The following MBNL2 variants were observed in gnomAD, a reference collection of about 807,000 sequenced individuals.
MBNL2 encodes the protein muscleblind-like protein 2.
In MBNL2, 17 loss-of-function variants were observed where a neutral mutation model predicts 41.9. The ratio of observed to expected loss-of-function variants is 0.41; its 90% CI spans 0.28 to 0.61. The LOEUF (loss-of-function observed/expected upper bound fraction) is 0.61, where lower values mean the gene tolerates loss of function less well. MBNL2 is among the 20% of genes least tolerant of loss of function. MBNL2 has a pLI of 0.35. For synonymous variants in MBNL2, 195 were observed against 182.9 expected (o/e 1.07, Z -0.53); for missense variants, 336 against 505.6 (o/e 0.66, Z 3.22).
the MBNL2 span, among the ~76,000 whole-genome samples, chr13:97,192,883 G>C: frequency 6.6e-6 from 1 of 152,212 alleles, no homozygotes; most frequent in South Asian, 2.1e-4. Context: ...TCACCCGAAG[G>C]CTGAAACAAA....
chr13:97,186,373 C>T, the MBNL2 span, among the ~76,000 whole-genome samples: 4 of 152,142 alleles, frequency 2.6e-5, no homozygotes, highest in Non-Finnish European at 4.4e-5. Context: ...CATTAGATCT[C>T]TCTGACTTCC....
chr13:97,245,522 A>G (rs780994131), intron 1 of MBNL2, among the ~76,000 whole-genome samples: 7 of 152,196 alleles, frequency 4.6e-5, no homozygotes, highest in Non-Finnish European at 1.0e-4. Context: ...TGTCACCACA[A>G]TCCTGAAGTT....
At chr13:97,195,192 G>A in the MBNL2 span, among the ~76,000 whole-genome samples, 1 of 152,088 alleles carries the variant, frequency 6.6e-6, no homozygotes, top group Admixed American at 6.5e-5. Flanking sequence ...GAACATCGTC[G>A]TCTCAGGACA....
At chr13:97,157,546 CTTA>C in the MBNL2 span, among the ~76,000 whole-genome samples, 1 of 132,994 alleles carries the variant, frequency 7.5e-6, no homozygotes, top group Non-Finnish European at 1.6e-5. Flanking sequence ...ATAGATAGCT[CTTA>C]TTATTTTGAA....
At chr13:97,304,630 C>A (rs1038000364) in intron 2 of MBNL2, among the ~76,000 whole-genome samples, 1 of 151,968 alleles carries the variant, frequency 6.6e-6, no homozygotes. Flanking sequence ...TGATCTTATG[C>A]AAGTCATTTG....
the MBNL2 span, among the ~76,000 whole-genome samples, chr13:97,195,276 G>A: frequency 1.5e-4 from 23 of 152,172 alleles, no homozygotes; most frequent in African/African-American, 5.3e-4. Flanking sequence ...TGTGATTTCA[G>A]TTGTCCCCCA....
chr13:97,274,216 C>T (rs1045068548), intron 1 of MBNL2, among the ~76,000 whole-genome samples: 4 of 152,154 alleles, frequency 2.6e-5, no homozygotes, highest in South Asian at 2.1e-4. Context: ...GGGCCGGGCA[C>T]GGTGGCTCAC....
intron 2 of MBNL2, among the ~76,000 whole-genome samples, chr13:97,292,200 CAAAAAAAAAAAAA>C (rs34473435): frequency 2.9e-5 from 2 of 69,504 alleles, no homozygotes; most frequent in Non-Finnish European, 6.3e-5. Context: ...GACTCCATCT[CAAAAAAAAAAAAA>C]AAAAAAAAAG....
chr13:97,381,246 G>A (rs1037376711), intron 8 of MBNL2, among the ~76,000 whole-genome samples: 2 of 152,094 alleles, frequency 1.3e-5, no homozygotes, highest in African/African-American at 4.8e-5. Context: ...AGATGATGAC[G>A]ATACACAAAG....
the MBNL2 span, among the ~76,000 whole-genome samples, chr13:97,177,799 AT>A: frequency 2.0e-5 from 3 of 152,240 alleles, no homozygotes; most frequent in Admixed American, 1.3e-4. Context: ...ATGTGTTAAC[AT>A]ATAAAGGGTC....
the MBNL2 span, among the ~76,000 whole-genome samples, chr13:97,195,314 C>T: frequency 6.6e-6 from 1 of 152,096 alleles, no homozygotes; most frequent in African/African-American, 2.4e-5. Context: ...CAACTCATAC[C>T]TTCATGCTCC....
intron 5 of MBNL2, among the ~76,000 whole-genome samples, chr13:97,353,416 A>T (rs563176640): frequency 6.6e-6 from 1 of 152,322 alleles, no homozygotes; most frequent in South Asian, 2.1e-4. Flanking sequence ...TTATTTCCTT[A>T]TTTAAAAGGA....
the MBNL2 span, among the ~76,000 whole-genome samples, chr13:97,142,503 C>G: frequency 8.5e-5 from 13 of 152,220 alleles, no homozygotes; most frequent in African/African-American, 3.1e-4. Flanking sequence ...TCATCAAAAC[C>G]TAAAGTGAAA....
At chr13:97,158,974 C>G in the MBNL2 span, among the ~76,000 whole-genome samples, 3 of 150,652 alleles carry the variant, frequency 2.0e-5, no homozygotes, top group African/African-American at 4.9e-5. Flanking sequence ...TCTCATTGAT[C>G]TGTCTAATGT....
At chr13:97,247,805 G>A (rs543517462) in intron 1 of MBNL2, among the ~76,000 whole-genome samples, 9 of 152,230 alleles carry the variant, frequency 5.9e-5, no homozygotes, top group South Asian at 2.1e-4. Flanking sequence ...TGAATCTGCA[G>A]CCAATTAATT....
chr13:97,354,994 CA>C (rs1376559165), intron 5 of MBNL2, among the ~76,000 whole-genome samples: 2 of 152,052 alleles, frequency 1.3e-5, no homozygotes, highest in African/African-American at 2.4e-5. Flanking sequence ...AAAAACAAAA[CA>C]AAAGAAAACC....
At chr13:97,166,837 T>TAGATAGAC in the MBNL2 span, among the ~76,000 whole-genome samples, 1 of 143,384 alleles carries the variant, frequency 7.0e-6, no homozygotes. Context: ...GATAGATAGA[T>TAGATAGAC]AGAAAGATAG....
chr13:97,311,009 A>G (rs1208730707), intron 2 of MBNL2, among the ~76,000 whole-genome samples: 1 of 152,198 alleles, frequency 6.6e-6, no homozygotes, highest in African/African-American at 2.4e-5. Flanking sequence ...GAGTGCTCAG[A>G]TAAGATTACG....
Position 97,334,400 on chromosome 13 carries a change from A to G in MBNL2, c.299A>G (p.Gln100Arg). Residue 100 changes from glutamine (Q) to arginine (R), a missense_variant, in exon 3 of 9, where the codon CAG becomes CGG. By Grantham distance (43) the Gln-to-Arg change is conservative. Transcript: ENST00000679496. This position sits in a 1 kb window ranked among gnomAD's most constrained non-coding sequence, Gnocchi z 5.3. ...ACTGCAGCAGCAATGCTTGCCCAGC[A>G]GATGCAATTTATGTTTCCAGGAACA... ...QKTAAAMLAQ[Q>R]MQFMFPGTPL... The G allele has an allele frequency of 6.2e-7, 1 of 1,613,520 alleles. No homozygotes were observed. The highest frequency in any genetic ancestry group is 8.5e-7 in the Non-Finnish European group (1 of 1,179,668).
Sources: allele counts gnomAD v4.1 joint callset (sites outside exome capture counted in the v4.1 genomes callset), GRCh38; gene constraint gnomAD v4.1.1; non-coding constraint Gnocchi (gnomAD v3.1); transcripts MANE v1.5; gene names NCBI Gene and HGNC (gene_info 2026-07-23, HGNC 2026-07-21).